The following CDK13 variants were observed in gnomAD, a reference collection of about 807,000 sequenced individuals.
CDK13 encodes the protein cyclin dependent kinase 13, also known as cyclin-dependent kinase 13.
Under a neutral mutation model 137.6 loss-of-function variants are expected in CDK13, and 40 were observed. The observed-to-expected ratio is 0.29, with a 90% CI of 0.23 to 0.38. The LOEUF is 0.38. CDK13 is among the 10% of genes least tolerant of loss of function. The pLI is 1.00. For missense variants in CDK13, 1,704 were observed against 1,951.8 expected (o/e 0.87, Z 2.39); for synonymous variants, 869 against 760.1 (o/e 1.14, Z -2.36).
At chr7:39,974,562 T>C (rs1472868562) in intron 1 of CDK13, among the ~76,000 whole-genome samples, 5 of 151,378 alleles carry the variant, frequency 3.3e-5, no homozygotes, top group African/African-American at 1.2e-4. Flanking sequence ...TTTTCTTTTT[T>C]TTTTTTTTTT....
chr7:40,080,458 A>T lies in CDK13; in HGVS notation c.3029+1607A>T, dbSNP rs528939558. Among the ~76,000 whole-genome samples the T allele has an allele frequency of 3.3e-5, 5 of 152,224 alleles. No homozygotes were observed. In the East Asian group the frequency reaches 5.8e-4, roughly 18 times the overall value. On this transcript the variant is annotated intron_variant, in intron 11 of 13. Coordinates refer to ENST00000181839, the MANE Select transcript of CDK13 (RefSeq NM_003718.5). Reference sequence around the variant, plus strand: ...TTATCAGTTAGATAGTGCTTATTATATTTCTATGAGGCTGTCATATTCAGC... The same window carrying T: ...TTATCAGTTAGATAGTGCTTATTATTTTTCTATGAGGCTGTCATATTCAGC...
intron 5 of CDK13, among the ~76,000 whole-genome samples, chr7:40,028,146 T>A (rs1785285261): frequency 1.3e-5 from 2 of 151,600 alleles, no homozygotes; most frequent in African/African-American, 4.8e-5. Flanking sequence ...CTCTTGTTGA[T>A]CAGAGTGGGG....
intron 5 of CDK13, among the ~76,000 whole-genome samples, chr7:40,038,950 G>T (rs537373420): frequency 6.6e-6 from 1 of 152,070 alleles, no homozygotes; most frequent in South Asian, 2.1e-4. Context: ...CCACCTCAGC[G>T]TCCCAAAGTG....
At chr7:40,092,760 C>A (rs1198281000) in intron 12 of CDK13, 25 bp from the exon 13 acceptor site, 1 of 1,571,564 alleles carries the variant, frequency 6.4e-7, no homozygotes, top group Non-Finnish European at 8.7e-7. Flanking sequence ...TATGACAGTT[C>A]TAATTAATAT....
chr7:40,057,480 G>A (rs367897152), intron 7 of CDK13, among the ~76,000 whole-genome samples: 103 of 152,274 alleles, frequency 6.8e-4, no homozygotes, highest in Middle Eastern at 3.4e-3. Flanking sequence ...CTTATCACAC[G>A]TGCTTATGTT....
In CDK13 at chr7:40,022,321, T is replaced by C. The variant is rs1473069058; in HGVS notation, c.2353+20290T>C. On this transcript the variant is annotated intron_variant, in intron 5 of 13. Coordinates refer to ENST00000181839, the MANE Select transcript of CDK13 (RefSeq NM_003718.5). ...AGCCACAAACTTCTTGTAATGTGCA[T>C]GTATCAATTTTTAGGTTTCCTACCA... Among the ~76,000 whole-genome samples the C allele has an allele frequency of 2.0e-5, 3 of 152,180 alleles. No individual in the cohort carries two copies. In the East Asian group the frequency reaches 5.8e-4, roughly 29 times the overall value.
chr7:40,085,322 C>T (rs1786764975), intron 11 of CDK13, among the ~76,000 whole-genome samples: 1 of 151,514 alleles, frequency 6.6e-6, no homozygotes, highest in Non-Finnish European at 1.5e-5. Flanking sequence ...GATAGCACCA[C>T]TGCACTCCAG....
Position 39,950,664 on chromosome 7 carries a change from C to T in CDK13, c.23C>T (p.Ala8Val), listed in dbSNP as rs1487230629. The change falls in exon 1 of 14, where the codon GCG becomes GTG. Residue 8 changes from alanine to valine, a missense_variant. Around this residue, in one of 5 missense-constraint regions of CDK13, gnomAD observed 1,051 missense variants for 931.0 expected, o/e 1.13. Transcript: ENST00000181839. Reference protein sequence around the residue: MPSSSDTALGGGGGLSWA... With the variant: MPSSSDTVLGGGGGLSWA... ...GCGATGCCGAGCAGCTCGGACACGG[C>T]GCTGGGGGGAGGCGGGGGCCTGAGC... is the stretch of plus-strand genomic sequence containing the variant. The T allele has an allele frequency of 3.6e-6, 5 of 1,374,068 alleles. No individual in the cohort carries two copies. Among genetic ancestry groups the T allele is most frequent in the East Asian group, 3.1e-5 (1 of 32,488 alleles). The allele number at this position is 1,374,068 out of a possible 1,614,324, so 85.1% of individuals were successfully genotyped here. A position where few individuals can be genotyped will look rare whatever the true frequency, so the allele number is the denominator to read the frequency against.
chr7:40,047,888 C>T lies in CDK13; in HGVS notation c.2600+11C>T, dbSNP rs773140829. ...TAGCTCAGAAGAAAGGTAAGCATAC[C>T]TTCAAATGAATATTGTAGATACTAG... is the stretch of plus-strand genomic sequence containing the variant. On this transcript the variant is annotated intron_variant, in intron 7 of 13. Coordinates refer to ENST00000181839, the MANE Select transcript of CDK13 (RefSeq NM_003718.5). 13 of 1,575,350 alleles carry T rather than the reference C, an allele frequency of 8.3e-6. No individual in the cohort carries two copies. Among genetic ancestry groups the T allele is most frequent in the Non-Finnish European group, 1.0e-5 (12 of 1,145,666 alleles).
At chr7:39,958,743 TTG>T (rs1204013079) in intron 1 of CDK13, among the ~76,000 whole-genome samples, 1 of 152,222 alleles carries the variant, frequency 6.6e-6, no homozygotes, top group Non-Finnish European at 1.5e-5. Context: ...AAATTTTTTT[TTG>T]TGTATTTGTT....
At chr7:40,068,519 C>A (rs1021448574) in intron 9 of CDK13, among the ~76,000 whole-genome samples, 2 of 151,496 alleles carry the variant, frequency 1.3e-5, no homozygotes, top group African/African-American at 4.8e-5. Context: ...CATGGTGAAT[C>A]CCTGTCTCTA....
At chr7:40,037,613 A>T (rs1448018221) in intron 5 of CDK13, among the ~76,000 whole-genome samples, 1 of 152,230 alleles carries the variant, frequency 6.6e-6, no homozygotes, top group East Asian at 1.9e-4. Flanking sequence ...CGTGGCATGG[A>T]TGCCAGATAG....
chr7:40,016,081 A>G (rs1054482909), intron 5 of CDK13, among the ~76,000 whole-genome samples: 6 of 152,230 alleles, frequency 3.9e-5, no homozygotes, highest in Non-Finnish European at 4.4e-5. Flanking sequence ...CACTGGGAGA[A>G]ATGCCAGCAG....
At position 40,099,202 on chromosome 7, in the gene CDK13, A is replaced by G. The variant is rs1787098077; in HGVS notation, c.*4222A>G. The G allele has an allele frequency of 6.6e-6, 1 of 152,172 alleles. No individual in the cohort carries two copies. The allele number at this position is 152,172 out of a possible 1,614,324, so 9.4% of individuals were successfully genotyped here. Reference sequence around the variant, plus strand: ...ATGTTTCTACTTAAAAATAAAAGCTATTAATAATAAGCTGTCATGGGATCC... The same window carrying G: ...ATGTTTCTACTTAAAAATAAAAGCTGTTAATAATAAGCTGTCATGGGATCC... On this transcript the variant is annotated 3_prime_UTR_variant, in exon 14 of 14. Transcript: ENST00000181839.
intron 1 of CDK13, among the ~76,000 whole-genome samples, chr7:39,968,252 A>G (rs1188020069): frequency 6.6e-6 from 1 of 151,656 alleles, no homozygotes. Context: ...CCCTTTGTTT[A>G]TTTTTGTTTT....
intron 1 of CDK13, among the ~76,000 whole-genome samples, chr7:39,972,730 CTTT>C (rs1352103285): frequency 1.3e-5 from 2 of 151,904 alleles, no homozygotes; most frequent in African/African-American, 4.8e-5. Context: ...TTTGGGTTAA[CTTT>C]TTGGCTATTT....
intron 9 of CDK13, chr7:40,069,356 G>A (rs1049804917): frequency 2.2e-5 from 10 of 455,386 alleles, no homozygotes; most frequent in African/African-American, 2.0e-4. Context: ...ACTATAATGA[G>A]GCAACGGAGT....
intron 1 of CDK13, among the ~76,000 whole-genome samples, chr7:39,961,595 C>G (rs1271526428): frequency 1.3e-5 from 2 of 151,680 alleles, no homozygotes; most frequent in East Asian, 3.9e-4. Context: ...TGAGATCATG[C>G]AGTATTTATC....
At chr7:40,048,809 A>G (rs1785810255) in intron 7 of CDK13, 1 of 151,480 alleles carries the variant, frequency 6.6e-6, no homozygotes, top group Non-Finnish European at 1.5e-5. Flanking sequence ...CGCCTGTGAC[A>G]TAATTCTGGA....
Sources: allele counts gnomAD v4.1 joint callset (sites outside exome capture counted in the v4.1 genomes callset), GRCh38; gene constraint gnomAD v4.1.1; regional missense constraint gnomAD v4.1.1; transcripts MANE v1.5; gene names NCBI Gene and HGNC (gene_info 2026-07-23, HGNC 2026-07-21).